EHBP1: variants seen among roughly 807,000 people sequenced by gnomAD.
The protein encoded by EHBP1 is EH domain-binding protein 1.
EHBP1 carries 55 observed loss-of-function variants against 144.0 expected under a neutral mutation model. The ratio of observed to expected loss-of-function variants is 0.38; its 90% CI spans 0.31 to 0.48. The LOEUF (loss-of-function observed/expected upper bound fraction) is 0.48. EHBP1 is among the 20% of genes least tolerant of loss of function. The probability of loss-of-function intolerance (pLI) is 0.98; values close to 1 mark genes in which losing one functional copy is unlikely to be tolerated. For missense variants in EHBP1, 1,200 were observed against 1,364.2 expected (o/e 0.88, Z 1.90); for synonymous variants, 469 against 472.7 (o/e 0.99, Z 0.10).
intron 5 of EHBP1, among the ~76,000 whole-genome samples, chr2:62,802,650 T>A (rs1480986930): frequency 1.3e-5 from 2 of 151,878 alleles, no homozygotes; most frequent in Non-Finnish European, 2.9e-5. Context: ...ACATTTAAAA[T>A]GATATTACAC....
chr2:62,867,575 A>G (rs1027859363), intron 9 of EHBP1, among the ~76,000 whole-genome samples: 4 of 152,198 alleles, frequency 2.6e-5, no homozygotes, highest in African/African-American at 9.7e-5. Flanking sequence ...AGAGAAATTA[A>G]AGAGTGAAAT....
intron 14 of EHBP1, among the ~76,000 whole-genome samples, chr2:62,960,231 C>T (rs566376304): frequency 1.3e-5 from 2 of 152,254 alleles, no homozygotes; most frequent in South Asian, 4.1e-4. Flanking sequence ...CATGTCCTTG[C>T]AAATCCTGTC....
chr2:63,008,427 C>A (rs1020606677), intron 19 of EHBP1, among the ~76,000 whole-genome samples: 3 of 150,864 alleles, frequency 2.0e-5, no homozygotes, highest in African/African-American at 7.3e-5. Flanking sequence ...TTTTTAATTT[C>A]TTTCTTGTTC....
In EHBP1 at chr2:62,926,659, T is replaced by C. The variant is rs139498384; in HGVS notation, c.1186-16059T>C. ...CTCTTTCCAGTTAAGATGGCTATTA[T>C]CAAAAAGACAAAAACAACAACAACA... On this transcript the variant is annotated intron_variant, in intron 10 of 22. Coordinates refer to ENST00000431489, the MANE Select transcript of EHBP1 (RefSeq NM_001142616.3). Among the ~76,000 whole-genome samples the C allele has an allele frequency of 8.7e-4, 132 of 151,976 alleles. 2 individuals carry two copies. The highest frequency in any genetic ancestry group is 2.9e-3 in the African/African-American group (121 of 41,476).
chr2:62,844,501 C>T (rs1056846528), intron 7 of EHBP1, among the ~76,000 whole-genome samples: 2 of 152,122 alleles, frequency 1.3e-5, no homozygotes, highest in African/African-American at 4.8e-5. Flanking sequence ...TAATAGAAAG[C>T]TTGCTGCAGC....
chr2:62,702,808 G>C (rs1399812272), upstream of EHBP1, among the ~76,000 whole-genome samples: 1 of 152,130 alleles, frequency 6.6e-6, no homozygotes, highest in Non-Finnish European at 1.5e-5. Context: ...TATGCTACTA[G>C]TTACCATTTG....
intron 19 of EHBP1, among the ~76,000 whole-genome samples, chr2:63,001,290 C>T (rs1271245442): frequency 6.6e-6 from 1 of 152,178 alleles, no homozygotes; most frequent in African/African-American, 2.4e-5. Context: ...CCTTTAAGCA[C>T]TGAGTAAAAG....
chr2:62,744,626 G>A (rs1388547274), intron 2 of EHBP1, among the ~76,000 whole-genome samples: 2 of 152,082 alleles, frequency 1.3e-5, no homozygotes, highest in Non-Finnish European at 2.9e-5. Flanking sequence ...ATCTTTGGGG[G>A]CATTCATAAA....
chr2:62,781,631 C>G (rs2042428466), intron 5 of EHBP1, among the ~76,000 whole-genome samples: 1 of 152,302 alleles, frequency 6.6e-6, no homozygotes, highest in East Asian at 1.9e-4. Flanking sequence ...GCTGGAGCAG[C>G]TTGAGCAGAG....
chr2:62,931,813 G>T (rs2056013395), intron 10 of EHBP1, among the ~76,000 whole-genome samples: 1 of 152,152 alleles, frequency 6.6e-6, no homozygotes, highest in Admixed American at 6.5e-5. Context: ...CAGTTATCCA[G>T]TTGAAAAAGC....
intron 9 of EHBP1, among the ~76,000 whole-genome samples, chr2:62,868,551 A>C (rs1168489348): frequency 6.6e-6 from 1 of 152,224 alleles, no homozygotes; most frequent in Non-Finnish European, 1.5e-5. Context: ...AAACTCTTAC[A>C]AAAATGAAAA....
intron 2 of EHBP1, among the ~76,000 whole-genome samples, chr2:62,727,490 C>G (rs563619547): frequency 2.0e-5 from 3 of 152,214 alleles, no homozygotes; most frequent in Admixed American, 1.3e-4. Context: ...CTCCCCTCCC[C>G]ACTCAACCCC....
chr2:62,932,496 C>A (rs1355748379), intron 10 of EHBP1, among the ~76,000 whole-genome samples: 6 of 151,968 alleles, frequency 3.9e-5, no homozygotes, highest in Non-Finnish European at 4.4e-5. Context: ...TGTATGATTT[C>A]ACTTATATGA....
At chr2:62,738,827 C>A (rs116363323) in intron 2 of EHBP1, among the ~76,000 whole-genome samples, 4,992 of 152,232 alleles carry the variant, frequency 0.033, 267 homozygotes, top group African/African-American at 0.11. Flanking sequence ...TGGTATTTTT[C>A]ATGAGTGTAA....
At chr2:62,902,283 C>T (rs746776705) in intron 10 of EHBP1, among the ~76,000 whole-genome samples, 40 of 151,776 alleles carry the variant, frequency 2.6e-4, no homozygotes, top group Non-Finnish European at 5.6e-4. Context: ...TGACTTTGAA[C>T]GTGGGAGGAT....
intron 14 of EHBP1, among the ~76,000 whole-genome samples, chr2:62,964,208 C>G (rs1330060061): frequency 1.3e-5 from 2 of 152,086 alleles, no homozygotes; most frequent in Non-Finnish European, 2.9e-5. Context: ...AAACCTCAAG[C>G]ATCTTTTCTA....
intron 7 of EHBP1, among the ~76,000 whole-genome samples, chr2:62,836,056 AAGAC>A (rs1484678598): frequency 6.6e-6 from 1 of 152,046 alleles, no homozygotes; most frequent in Non-Finnish European, 1.5e-5. Flanking sequence ...GACAAACAAA[AAGAC>A]AGCAGTATCC....
At chr2:62,754,264 A>C (rs367820330) in intron 3 of EHBP1, among the ~76,000 whole-genome samples, 1 of 152,120 alleles carries the variant, frequency 6.6e-6, no homozygotes. Context: ...TCCACTCCAG[A>C]CCCTGTTGCC....
At chr2:62,876,139 G>C (rs559701827) in intron 10 of EHBP1, among the ~76,000 whole-genome samples, 2 of 152,120 alleles carry the variant, frequency 1.3e-5, no homozygotes, top group Non-Finnish European at 1.5e-5. Flanking sequence ...AAGAACCCCT[G>C]TGAGATTCCA....
Sources: gnomAD v4.1 joint callset for allele counts (sites outside exome capture counted in the v4.1 genomes callset) on GRCh38, gnomAD v4.1.1 for gene constraint, MANE v1.5 for transcripts, NCBI Gene and HGNC (gene_info 2026-07-23, HGNC 2026-07-21) for gene names.